STAU2: variants seen among roughly 807,000 people sequenced by gnomAD.
The protein encoded by STAU2 is staufen double-stranded RNA binding protein 2.
Under a neutral mutation model 65.9 loss-of-function variants are expected in STAU2, and 20 were observed. The ratio of observed to expected loss-of-function variants is 0.30; its 90% confidence interval spans 0.21 to 0.44. STAU2 has a LOEUF of 0.44. Ranked by LOEUF, STAU2 falls within the 20% of genes least tolerant of loss-of-function variation. STAU2 has a pLI of 1.00. For synonymous variants in STAU2, 232 were observed against 233.9 expected (o/e 0.99, Z 0.07); for missense variants, 558 against 683.9 (o/e 0.82, Z 2.05).
chr8:73,473,822 T>C (rs145316825), intron 13 of STAU2, among the ~76,000 whole-genome samples: 108 of 152,272 alleles, frequency 7.1e-4, no homozygotes, highest in Middle Eastern at 3.4e-3. Flanking sequence ...TAGACCCACC[T>C]CACCCTCATG....
chr8:73,652,307 A>G (rs1434994411), intron 6 of STAU2: 2 of 152,336 alleles, frequency 1.3e-5, no homozygotes, highest in Admixed American at 1.3e-4. Context: ...AGACACACAA[A>G]TAAGAAGAAA....
intron 3 of STAU2, among the ~76,000 whole-genome samples, chr8:73,727,339 C>A (rs1805715747): frequency 6.6e-6 from 1 of 152,192 alleles, no homozygotes; most frequent in African/African-American, 2.4e-5. Context: ...GTTATGACCC[C>A]AAAAGGGAAT....
chr8:73,585,128 T>C (rs1370717675), intron 11 of STAU2, among the ~76,000 whole-genome samples: 1 of 151,948 alleles, frequency 6.6e-6, no homozygotes, highest in Non-Finnish European at 1.5e-5. Context: ...GTGGAATTAA[T>C]AAAATCTGTT....
At chr8:73,466,800 T>C (rs956127504) in intron 13 of STAU2, among the ~76,000 whole-genome samples, 1 of 152,230 alleles carries the variant, frequency 6.6e-6, no homozygotes, top group East Asian at 1.9e-4. Flanking sequence ...TAAACCATTA[T>C]TGAGCACCTC....
chr8:73,595,224 G>A lies in STAU2; in HGVS notation c.1103C>T (p.Ala368Val), dbSNP rs775553438. Residue 368 changes from alanine (A) to valine (V), a missense_variant, in exon 11 of 15, where the codon GCA (alanine) becomes GTA (valine). Around this residue, in one of 3 missense-constraint regions of STAU2, gnomAD observed 247 missense variants for 270.1 expected, o/e 0.91. Coordinates refer to ENST00000524300, the MANE Select transcript of STAU2 (RefSeq NM_001164380.2). Reference protein sequence around the residue: ...KKIAKKNAAEAMLLQLGYKAS... With the variant: ...KKIAKKNAAEVMLLQLGYKAS... ...TTTATAACCAAGTTGTAACAGCATT[G>A]CTTCTGCAGCATTTTTTTTGGCTAT... 6.2e-7 allele frequency: 1 copy of A among 1,611,624 alleles called. No homozygotes were observed. Among genetic ancestry groups the A allele is most frequent in the East Asian group, 2.2e-5 (1 of 44,650 alleles).
At chr8:73,676,803 C>T (rs1428803336) in intron 5 of STAU2, among the ~76,000 whole-genome samples, 4 of 152,132 alleles carry the variant, frequency 2.6e-5, no homozygotes, top group Admixed American at 6.5e-5. Flanking sequence ...ACCATGTTGG[C>T]CAGGCTGGTC....
At chr8:73,467,414 C>G (rs1429894940) in intron 13 of STAU2, among the ~76,000 whole-genome samples, 5 of 152,088 alleles carry the variant, frequency 3.3e-5, no homozygotes, top group African/African-American at 1.2e-4. Flanking sequence ...CGCCTGTAGT[C>G]CCAGCTACGT....
At chr8:73,668,000 G>A (rs1295692348) in intron 6 of STAU2, among the ~76,000 whole-genome samples, 1 of 152,124 alleles carries the variant, frequency 6.6e-6, no homozygotes, top group Admixed American at 6.6e-5. Flanking sequence ...GTTTGGATGG[G>A]GCTAACCTGT....
chr8:73,694,944 T>C (rs745754903), intron 4 of STAU2, among the ~76,000 whole-genome samples: 1 of 152,232 alleles, frequency 6.6e-6, no homozygotes, highest in African/African-American at 2.4e-5. Context: ...TTGCCCATCA[T>C]AGCAGTTGGA....
At chr8:73,505,905 CAT>C (rs1374929768) in intron 13 of STAU2, among the ~76,000 whole-genome samples, 1 of 152,034 alleles carries the variant, frequency 6.6e-6, no homozygotes, top group Non-Finnish European at 1.5e-5. Context: ...TCACTCATCA[CAT>C]GAGATCTGGT....
chr8:73,710,558 T>C (rs1820824878), intron 3 of STAU2, among the ~76,000 whole-genome samples: 1 of 152,044 alleles, frequency 6.6e-6, no homozygotes, highest in Admixed American at 6.6e-5. Context: ...AGTCCCAAAG[T>C]TGTTGTGAGA....
At chr8:73,730,769 T>C (rs1806000808) in intron 3 of STAU2, among the ~76,000 whole-genome samples, 1 of 149,334 alleles carries the variant, frequency 6.7e-6, no homozygotes. Context: ...AAAGAATACA[T>C]ATTTTGCTGT....
At chr8:73,540,402 T>C (rs960118375) in intron 13 of STAU2, among the ~76,000 whole-genome samples, 3 of 152,178 alleles carry the variant, frequency 2.0e-5, no homozygotes, top group Non-Finnish European at 4.4e-5. Context: ...TCAGAGCCTC[T>C]AGAAGGAACC....
chr8:73,658,138 C>T lies in STAU2; in HGVS notation c.410+14969G>A, dbSNP rs1019174762. Among the ~76,000 whole-genome samples the T allele has an allele frequency of 4.6e-5, 7 of 151,978 alleles. No homozygotes were observed. In the South Asian group the frequency reaches 1.5e-3, roughly 32 times the overall value. On this transcript the variant is annotated intron_variant, in intron 6 of 14. Transcript: ENST00000524300. ...CAGCACTCTGAGAGGCTGAGGTGGG[C>T]GAATCACCTGAGGTCAGGAGTTCAA...
intron 6 of STAU2, among the ~76,000 whole-genome samples, chr8:73,626,805 G>C (rs1005139597): frequency 2.6e-5 from 4 of 152,158 alleles, no homozygotes; most frequent in Non-Finnish European, 5.9e-5. Flanking sequence ...ACAGGAATTA[G>C]GTAGCCATAG....
chr8:73,623,408 A>G (rs944062405), intron 6 of STAU2, among the ~76,000 whole-genome samples: 16 of 152,346 alleles, frequency 1.1e-4, no homozygotes, highest in African/African-American at 3.4e-4. Flanking sequence ...TAATTACCTC[A>G]TTCTATTTGA....
intron 5 of STAU2, among the ~76,000 whole-genome samples, chr8:73,677,708 T>C (rs1290048570): frequency 6.6e-6 from 1 of 152,166 alleles, no homozygotes; most frequent in Non-Finnish European, 1.5e-5. Context: ...TAGTAAAACA[T>C]GTGGTGAAGT....
intron 13 of STAU2, among the ~76,000 whole-genome samples, chr8:73,438,358 T>C (rs963518654): frequency 1.8e-4 from 27 of 151,800 alleles, no homozygotes; most frequent in Admixed American, 1.6e-3. Context: ...CAGACAGCTG[T>C]GAGGAAAGGA....
At chr8:73,720,058 C>G (rs993867119) in intron 3 of STAU2, among the ~76,000 whole-genome samples, 13 of 152,252 alleles carry the variant, frequency 8.5e-5, no homozygotes, top group Non-Finnish European at 1.3e-4. Context: ...AAGAGGATCA[C>G]TTGAGCCCAG....
Sources: allele counts gnomAD v4.1 joint callset (sites outside exome capture counted in the v4.1 genomes callset), GRCh38; gene constraint gnomAD v4.1.1; regional missense constraint gnomAD v4.1.1; transcripts MANE v1.5; gene names NCBI Gene and HGNC (gene_info 2026-07-23, HGNC 2026-07-21).